AFF1: variants seen among roughly 807,000 people sequenced by gnomAD.
AFF1 encodes AF4/FMR2 family member 1.
In AFF1, 48 loss-of-function variants were observed where a neutral mutation model predicts 121.7. The observed-to-expected ratio is 0.39, with a 90% CI of 0.31 to 0.50. The LOEUF (loss-of-function observed/expected upper bound fraction) is 0.50. Ranked by LOEUF, AFF1 falls within the 20% of genes least tolerant of loss-of-function variation. The pLI is 0.76. For missense variants in AFF1, 1,523 were observed against 1,511.7 expected (o/e 1.01, Z -0.12); for synonymous variants, 613 against 563.0 (o/e 1.09, Z -1.26).
At chr4:87,006,297 C>T (rs1291606774) in intron 2 of AFF1, among the ~76,000 whole-genome samples, 4 of 152,186 alleles carry the variant, frequency 2.6e-5, no homozygotes, top group African/African-American at 7.2e-5. Context: ...TCCATCCTTG[C>T]TCATCCAAGT....
At chr4:86,988,160 T>C (rs1724434861) in intron 2 of AFF1, among the ~76,000 whole-genome samples, 1 of 151,956 alleles carries the variant, frequency 6.6e-6, no homozygotes. Flanking sequence ...ACTTAAAACA[T>C]GTATCATTTC....
intron 2 of AFF1, among the ~76,000 whole-genome samples, chr4:87,022,206 CAAAAAAAA>C (rs11296179): frequency 2.6e-5 from 2 of 76,058 alleles, no homozygotes; most frequent in Admixed American, 1.7e-4. Flanking sequence ...GACTCCATCT[CAAAAAAAA>C]AAAAAAAAAA....
At chr4:87,081,927 C>T (rs949751958) in intron 4 of AFF1, among the ~76,000 whole-genome samples, 6 of 152,086 alleles carry the variant, frequency 3.9e-5, no homozygotes, top group Non-Finnish European at 5.9e-5. Flanking sequence ...AAAAACATTT[C>T]GGCGACATGA....
At chr4:86,952,952 C>T (rs1443367226) in intron 2 of AFF1, among the ~76,000 whole-genome samples, 1 of 147,718 alleles carries the variant, frequency 6.8e-6, no homozygotes, top group Admixed American at 6.8e-5. Context: ...TGTTCCCCTC[C>T]ACCCCCACTA....
intron 2 of AFF1, chr4:87,007,239 G>A (rs1032653037): frequency 3.4e-6 from 5 of 1,481,128 alleles, no homozygotes; most frequent in African/African-American, 1.4e-5. Flanking sequence ...GCCCGGGGCT[G>A]CGCCGAGGAC....
At position 87,110,998 on chromosome 4, in the gene AFF1, ATTTTTTTTTTTTTATT is replaced by A. The variant is rs1186950664; in HGVS notation, c.1533+2695_1533+2710del. 2.5e-5 allele frequency among the ~76,000 whole-genome samples: 2 copies of A among 81,046 alleles called. 1 individual carries two copies. Among genetic ancestry groups the A allele is most frequent in the African/African-American group, 1.1e-4 (2 of 17,728 alleles). The allele number at this position is 81,046 out of a possible 152,430, so 53.2% of individuals were successfully genotyped here. On this transcript the variant is annotated intron_variant, in intron 11 of 20. Transcript: ENST00000395146. ...TGGCACTTTTATCTACTTAAACTTT[ATTTTTTTTTTTTTATT>A]TTTTTTTTTTTGAGACGGAGTCTCG...
intron 2 of AFF1, chr4:87,007,074 C>G: frequency 8.2e-7 from 1 of 1,217,222 alleles, no homozygotes. Flanking sequence ...AGCGTGGGGG[C>G]CCGCTGGCTT....
chr4:87,041,604 G>A (rs1427264068), intron 2 of AFF1, among the ~76,000 whole-genome samples: 7 of 151,872 alleles, frequency 4.6e-5, no homozygotes, highest in South Asian at 2.1e-4. Flanking sequence ...TATTCTATTC[G>A]GAACAGTGGG....
intron 1 of AFF1, among the ~76,000 whole-genome samples, chr4:86,938,435 G>A (rs1172563038): frequency 7.7e-6 from 1 of 129,248 alleles, no homozygotes; most frequent in African/African-American, 3.0e-5. Flanking sequence ...GGGCCACAGA[G>A]CAAGACTCCG....
intron 2 of AFF1, among the ~76,000 whole-genome samples, chr4:86,983,399 G>C (rs1351897571): frequency 6.6e-6 from 1 of 151,976 alleles, no homozygotes; most frequent in Non-Finnish European, 1.5e-5. Flanking sequence ...GGTGGCACAT[G>C]CCTGTAGTCG....
At position 87,114,692 on chromosome 4, in the gene AFF1, C is replaced by T. The variant is rs1468394088; in HGVS notation, c.1859C>T (p.Ala620Val). 1 of 1,613,874 alleles carries T rather than the reference C, an allele frequency of 6.2e-7. No homozygotes were observed. The highest frequency in any genetic ancestry group is 1.6e-4 in the Middle Eastern group (1 of 6,062). Residue 620 changes from alanine to valine, a missense_variant, in exon 12 of 21, where the codon GCC (alanine) becomes GTC (valine). By Grantham distance (64) the Ala-to-Val change is moderately conservative (BLOSUM62 0). This residue lies in a region of AFF1 where 905 missense variants were observed against 842.5 expected (regional missense o/e 1.07). Transcript: ENST00000395146. ...CCCAAAAAACCTGTCAAGGCCTCTGCCCGGGCAGGTTCACGGACCAGCCTG... is the reference window on the plus strand; with the variant it reads ...CCCAAAAAACCTGTCAAGGCCTCTGTCCGGGCAGGTTCACGGACCAGCCTG... The part of the protein sequence containing the change: ...KQPKKPVKAS[A>V]RAGSRTSLQG...
intron 2 of AFF1, among the ~76,000 whole-genome samples, chr4:86,998,498 C>G (rs1162573639): frequency 6.6e-6 from 1 of 152,214 alleles, no homozygotes; most frequent in East Asian, 1.9e-4. Flanking sequence ...AAAATAACGT[C>G]ATCTGACTGT....
chr4:87,074,014 G>C (rs190720409), intron 4 of AFF1, among the ~76,000 whole-genome samples: 97 of 152,162 alleles, frequency 6.4e-4, no homozygotes, highest in Middle Eastern at 3.4e-3. Flanking sequence ...GGACTGGATG[G>C]GGTGGGTGCA....
At chr4:87,003,075 TC>T (rs2149523100) in intron 2 of AFF1, among the ~76,000 whole-genome samples, 1 of 152,298 alleles carries the variant, frequency 6.6e-6, no homozygotes, top group African/African-American at 2.4e-5. Context: ...AAGTCACAAA[TC>T]ATTTCTCCTG....
Position 87,108,295 on chromosome 4 carries a change from C to G in AFF1, c.1513C>G (p.Leu505Val). The G allele has an allele frequency of 6.2e-7, 1 of 1,613,646 alleles. No individual in the cohort carries two copies. The highest frequency in any genetic ancestry group is 8.5e-7 in the Non-Finnish European group (1 of 1,179,912). Residue 505 changes from leucine to valine, a missense_variant, in exon 11 of 21, where the codon CTA (leucine) becomes GTA (valine). This residue lies in a region of AFF1 where 905 missense variants were observed against 842.5 expected (regional missense o/e 1.07). Transcript: ENST00000395146. The stretch of plus-strand genomic sequence containing the variant: ...AAGTGACAGCGAAGAAAATGAGCCC[C>G]TAGAAACCCCAGCTCCGGAGGTACC... ...SSSDSEENEPLETPAPEPEPP... is the reference protein window; with the variant it reads ...SSSDSEENEPVETPAPEPEPP...
intron 2 of AFF1, among the ~76,000 whole-genome samples, chr4:87,045,373 AG>A (rs1310916920): frequency 6.6e-6 from 1 of 151,224 alleles, no homozygotes; most frequent in Non-Finnish European, 1.5e-5. Context: ...ACAATGAGGC[AG>A]GTCCACTTTT....
intron 2 of AFF1, among the ~76,000 whole-genome samples, chr4:86,989,560 C>CT (rs1724541379): frequency 6.6e-6 from 1 of 152,192 alleles, no homozygotes; most frequent in Non-Finnish European, 1.5e-5. Context: ...AATAGGAAAG[C>CT]TTTTACACTG....
At chr4:86,997,597 C>T (rs11729622) in intron 2 of AFF1, among the ~76,000 whole-genome samples, 84,631 of 150,456 alleles carry the variant, frequency 0.56, 28,570 homozygotes, top group South Asian at 0.76. Context: ...CCCATCTCTA[C>T]TAAAAATACA....
intron 4 of AFF1, among the ~76,000 whole-genome samples, chr4:87,056,414 T>A (rs1180553244): frequency 2.6e-5 from 4 of 152,162 alleles, no homozygotes; most frequent in Non-Finnish European, 5.9e-5. Context: ...ATAGATTCCC[T>A]TTTTCCTTAG....
Sources: allele counts gnomAD v4.1 joint callset (sites outside exome capture counted in the v4.1 genomes callset), GRCh38; gene constraint gnomAD v4.1.1; regional missense constraint gnomAD v4.1.1; transcripts MANE v1.5; gene names NCBI Gene and HGNC (gene_info 2026-07-23, HGNC 2026-07-21).